The following YY1 variants were observed in gnomAD, a reference collection of about 807,000 sequenced individuals.
YY1 encodes the protein YY1 transcription factor.
YY1 carries 2 observed loss-of-function variants against 35.6 expected under a neutral mutation model. The observed-to-expected ratio is 0.06, with a 90% confidence interval of 0.02 to 0.18. YY1 has a LOEUF of 0.18. YY1 is among the 10% of genes least tolerant of loss of function. YY1 has a pLI of 1.00. For synonymous variants in YY1, 268 were observed against 238.9 expected (o/e 1.12, Z -1.12); for missense variants, 322 against 573.4 (o/e 0.56, Z 4.48).
rs1394697089 is a variant in YY1 at position 100,280,870 on chromosome 14, G to C, written c.*3270G>C. 6.6e-6 allele frequency: 1 copy of C among 151,986 alleles called. No individual in the cohort carries two copies. Among genetic ancestry groups the C allele is most frequent in the South Asian group, 2.1e-4 (1 of 4,820 alleles). The allele number at this position is 151,986 out of a possible 1,614,324, so 9.4% of individuals were successfully genotyped here. A position where few individuals can be genotyped will look rare whatever the true frequency, so the allele number is the denominator to read the frequency against. Reference sequence around the variant, plus strand: ...AAACTTACTGTGGAGACGTGTCCCAGACTGGTCTCAGACCAGAGTTTGTGG... The same window carrying C: ...AAACTTACTGTGGAGACGTGTCCCACACTGGTCTCAGACCAGAGTTTGTGG... On this transcript the variant is annotated 3_prime_UTR_variant, in exon 5 of 5. Coordinates refer to ENST00000262238, the MANE Select transcript of YY1 (RefSeq NM_003403.5).
chr14:100,266,692 G>A (rs972662206), intron 2 of YY1, among the ~76,000 whole-genome samples: 1 of 152,144 alleles, frequency 6.6e-6, no homozygotes, highest in Non-Finnish European at 1.5e-5. Flanking sequence ...AGTAAGATAG[G>A]CCATCAAGTG....
intron 1 of YY1, among the ~76,000 whole-genome samples, chr14:100,258,361 C>G (rs545485899): frequency 6.6e-6 from 1 of 152,230 alleles, no homozygotes; most frequent in Admixed American, 6.5e-5. Flanking sequence ...TATTTCCTGT[C>G]TCTTTTTCGG....
At chr14:100,272,965 G>GTTTTTTTTTTTTTTTTTTT (rs368896214) in intron 2 of YY1, among the ~76,000 whole-genome samples, 1 of 127,708 alleles carries the variant, frequency 7.8e-6, no homozygotes. Flanking sequence ...TTTTTTTTTT[G>GTTTTTTTTTTTTTTTTTTT]TTTTTTTTTT....
At chr14:100,240,240 CG>C in intron 1 of YY1, among the ~76,000 whole-genome samples, 1 of 138,246 alleles carries the variant, frequency 7.2e-6, no homozygotes, top group Non-Finnish European at 1.6e-5. Context: ...CCGACGCCCT[CG>C]CTCCCCGCGC....
At chr14:100,240,576 G>A (rs1479852615) in intron 1 of YY1, among the ~76,000 whole-genome samples, 2 of 152,134 alleles carry the variant, frequency 1.3e-5, no homozygotes, top group African/African-American at 4.8e-5. Context: ...CGCCGGGCTG[G>A]ACCCTGCCCC....
In YY1 at chr14:100,262,485, C is replaced by A. The variant is rs377305168; in HGVS notation, c.842+19C>A. On this transcript the variant is annotated intron_variant, in intron 2 of 4. Coordinates refer to ENST00000262238, the MANE Select transcript of YY1 (RefSeq NM_003403.5). ...TTGCTAGGTAAGTTATAAGAACTTT[C>A]CTTTCTTTTAATTATAGAAAGTGCT... 1 of 1,613,304 alleles carries A rather than the reference C, an allele frequency of 6.2e-7. No homozygotes were observed. Among genetic ancestry groups the A allele is most frequent in the African/African-American group, 1.3e-5 (1 of 74,896 alleles).
rs1346124971 is a variant in YY1, at chr14:100,276,304, T to C, written c.904-186T>C. 2.6e-6 allele frequency: 2 copies of C among 767,532 alleles called. No individual in the cohort carries two copies. Among genetic ancestry groups the C allele is most frequent in the East Asian group, 2.8e-5 (1 of 35,708 alleles). The allele number at this position is 767,532 out of a possible 1,614,324, so 47.5% of individuals were successfully genotyped here. A position where few individuals can be genotyped will look rare whatever the true frequency, so the allele number is the denominator to read the frequency against. ...TAAAACTAGGGTTTGCATTGAATGA[T>C]GACTTTTTCAGCTGTCTGCTTTTTG... On this transcript the variant is annotated intron_variant, in intron 3 of 4. Transcript: ENST00000262238. This position sits in a 1 kb window ranked among gnomAD's most constrained non-coding sequence, Gnocchi z 4.1.
At chr14:100,256,521 G>A (rs1891008301) in intron 1 of YY1, among the ~76,000 whole-genome samples, 1 of 152,174 alleles carries the variant, frequency 6.6e-6, no homozygotes, top group Non-Finnish European at 1.5e-5. Flanking sequence ...CCATGAAGAG[G>A]AATGGAATGT....
intron 1 of YY1, among the ~76,000 whole-genome samples, chr14:100,254,954 T>A (rs1480446626): frequency 2.4e-5 from 3 of 124,904 alleles, no homozygotes; most frequent in Admixed American, 1.7e-4. Flanking sequence ...TTTTTTTTTT[T>A]TTTTTTTTTT....
chr14:100,280,264 A>C lies in YY1; in HGVS notation c.*2664A>C, dbSNP rs564294776. 31 of 152,242 alleles carry C rather than the reference A, an allele frequency of 2.0e-4. No individual in the cohort carries two copies. Among genetic ancestry groups the C allele is most frequent in the Admixed American group, 7.9e-4 (12 of 15,284 alleles). 9.4% of individuals were successfully genotyped at this position (152,242 alleles called of 1,614,324 possible). ...GGTTTGAAATGGTATTCTAACAGTG[A>C]GTCCATTGTCTTGAGGATTAATCTG... On this transcript the variant is annotated 3_prime_UTR_variant, in exon 5 of 5. Coordinates refer to ENST00000262238, the MANE Select transcript of YY1 (RefSeq NM_003403.5).
chr14:100,269,358 G>A (rs1555370482), intron 2 of YY1, among the ~76,000 whole-genome samples: 1 of 152,086 alleles, frequency 6.6e-6, no homozygotes, highest in Non-Finnish European at 1.5e-5. Flanking sequence ...TTTGCTCAAG[G>A]TCATGCAGCT....
intron 2 of YY1, among the ~76,000 whole-genome samples, chr14:100,272,586 CAA>C (rs1171666234): frequency 2.0e-5 from 3 of 149,962 alleles, no homozygotes; most frequent in African/African-American, 4.9e-5. Flanking sequence ...TTTTTTGTAA[CAA>C]AAGAGTGGTG....
chr14:100,243,618 C>G (rs1362251559), intron 1 of YY1, among the ~76,000 whole-genome samples: 1 of 151,930 alleles, frequency 6.6e-6, no homozygotes, highest in South Asian at 2.1e-4. Flanking sequence ...TATAGTGAGA[C>G]CCCGTCTCTG....
At position 100,263,048 on chromosome 14, in the gene YY1, C is replaced by T. The variant is rs571520616; in HGVS notation, c.842+582C>T. Among the ~76,000 whole-genome samples, 22 of 152,346 alleles carry T rather than the reference C, an allele frequency of 1.4e-4. No homozygotes were observed. In the South Asian group the frequency reaches 4.6e-3, roughly 32 times the overall value. ...TCAGCCTCCCAAGTAGCTGGGATTA[C>T]ATGCGTGTGCCACCACGCCCAGCCA... On this transcript the variant is annotated intron_variant, in intron 2 of 4. Transcript: ENST00000262238.
At chr14:100,247,528 G>A (rs947812089) in intron 1 of YY1, among the ~76,000 whole-genome samples, 2 of 151,860 alleles carry the variant, frequency 1.3e-5, no homozygotes, top group African/African-American at 4.8e-5. Context: ...CTACAGGCAC[G>A]CACCACCAGG....
chr14:100,252,445 T>C (rs1187786479), intron 1 of YY1, among the ~76,000 whole-genome samples: 1 of 152,232 alleles, frequency 6.6e-6, no homozygotes, highest in East Asian at 1.9e-4. Context: ...CATATATGAC[T>C]AGTGTTGGCT....
Position 100,251,082 on chromosome 14 carries a change from A to G in YY1, c.679+11159A>G, listed in dbSNP as rs188528398. 1.9e-3 allele frequency among the ~76,000 whole-genome samples: 290 copies of G among 152,314 alleles called. 2 individuals carry two copies. Among genetic ancestry groups the G allele is most frequent in the African/African-American group, 6.8e-3 (283 of 41,562 alleles). On this transcript the variant is annotated intron_variant, in intron 1 of 4. Coordinates refer to ENST00000262238, the MANE Select transcript of YY1 (RefSeq NM_003403.5). ...TAACTGGTTGACTGGTTGACTGAAT[A>G]ATGACTCCCAATATAGCCAGATCCT...
At chr14:100,253,289 T>C (rs939306165) in intron 1 of YY1, among the ~76,000 whole-genome samples, 1 of 152,244 alleles carries the variant, frequency 6.6e-6, no homozygotes, top group African/African-American at 2.4e-5. Context: ...TCAGTAACAT[T>C]CATAGCATAA....
chr14:100,262,270 A>G (rs1176065337), intron 1 of YY1, 34 bp from the exon 2 acceptor site: 6 of 1,611,318 alleles, frequency 3.7e-6, no homozygotes, highest in Admixed American at 1.7e-5. Flanking sequence ...AAATCTATTT[A>G]CTCAGCTAAA....
Sources: allele counts gnomAD v4.1 joint callset (sites outside exome capture counted in the v4.1 genomes callset), GRCh38; gene constraint gnomAD v4.1.1; non-coding constraint Gnocchi (gnomAD v3.1); transcripts MANE v1.5; gene names NCBI Gene and HGNC (gene_info 2026-07-23, HGNC 2026-07-21).